The following NAV2 variants were observed in gnomAD, a reference collection of about 807,000 sequenced individuals.
NAV2 encodes the protein helicase, APC down-regulated 1.
In NAV2, 54 loss-of-function variants were observed where a neutral mutation model predicts 223.2. The observed-to-expected ratio is 0.24, with a 90% CI of 0.19 to 0.30. The LOEUF (loss-of-function observed/expected upper bound fraction) is 0.30. NAV2 is among the 10% of genes least tolerant of loss of function. The pLI, the probability that NAV2 is intolerant of heterozygous loss-of-function variation, is 1.00. For synonymous variants in NAV2, 1,279 were observed against 1,239.3 expected (o/e 1.03, Z -0.67); for missense variants, 2,806 against 3,147.5 (o/e 0.89, Z 2.60).
chr11:20,067,689 C>T (rs915997807), intron 20 of NAV2, among the ~76,000 whole-genome samples: 7 of 150,592 alleles, frequency 4.6e-5, no homozygotes, highest in Non-Finnish European at 7.4e-5. Context: ...TGGGTTTCAC[C>T]ATGTTGGCCA....
intron 1 of NAV2, among the ~76,000 whole-genome samples, chr11:19,720,887 G>A (rs186425621): frequency 3.9e-5 from 6 of 152,260 alleles, no homozygotes; most frequent in African/African-American, 1.4e-4. Context: ...TTCTTTCTGA[G>A]CTTCAGTAGC....
chr11:19,859,598 C>A (rs1001538573), intron 3 of NAV2, among the ~76,000 whole-genome samples: 105 of 152,152 alleles, frequency 6.9e-4, no homozygotes, highest in African/African-American at 2.2e-3. Context: ...CCTTTCCCCC[C>A]TTTCTATTCC....
At chr11:19,611,181 T>C (rs1033729491) in intron 1 of NAV2, among the ~76,000 whole-genome samples, 3 of 151,966 alleles carry the variant, frequency 2.0e-5, no homozygotes, top group African/African-American at 7.3e-5. Context: ...ACTTATTCAC[T>C]ATCATGAGAA....
chr11:19,594,669 T>C (rs2046157658), intron 1 of NAV2, among the ~76,000 whole-genome samples: 1 of 152,102 alleles, frequency 6.6e-6, no homozygotes, highest in Non-Finnish European at 1.5e-5. Flanking sequence ...AGAGTGATTG[T>C]ATAGATTAAA....
intron 6 of NAV2, among the ~76,000 whole-genome samples, chr11:19,908,671 G>A (rs2043071261): frequency 6.6e-6 from 1 of 152,178 alleles, no homozygotes. Flanking sequence ...TAGTGGATAT[G>A]GTATTTGACA....
chr11:19,720,546 G>A, intron 1 of NAV2, among the ~76,000 whole-genome samples: 1 of 152,300 alleles, frequency 6.6e-6, no homozygotes, highest in Non-Finnish European at 1.5e-5. Context: ...GTGGGACAGA[G>A]GATAGGGTAG....
At chr11:19,381,559 TCAGGGCCACCAAGCTTGCTGCC>T (rs1444922960) in intron 1 of NAV2, among the ~76,000 whole-genome samples, 1 of 152,102 alleles carries the variant, frequency 6.6e-6, no homozygotes, top group African/African-American at 2.4e-5. Flanking sequence ...GTGTGGTAGC[TCAGGGCCACCAAGCTTGCTGCC>T]CAGGGAAGAG....
intron 1 of NAV2, among the ~76,000 whole-genome samples, chr11:19,458,138 T>C (rs1431606318): frequency 6.6e-6 from 1 of 152,180 alleles, no homozygotes; most frequent in Non-Finnish European, 1.5e-5. Flanking sequence ...ATCTGGGAAA[T>C]GGCAGTCTCA....
chr11:19,548,487 G>A (rs1565038934), intron 1 of NAV2, among the ~76,000 whole-genome samples: 1 of 152,264 alleles, frequency 6.6e-6, no homozygotes, highest in African/African-American at 2.4e-5. Flanking sequence ...ACTGGAAAGG[G>A]GGGAGTTTAT....
At chr11:19,378,397 A>G (rs1182709986) in intron 1 of NAV2, among the ~76,000 whole-genome samples, 2 of 152,038 alleles carry the variant, frequency 1.3e-5, no homozygotes, top group East Asian at 1.9e-4. Flanking sequence ...GGTGGGGCCT[A>G]TGGTGCATCC....
At chr11:19,907,448 C>G (rs2042959037) in intron 6 of NAV2, among the ~76,000 whole-genome samples, 1 of 152,108 alleles carries the variant, frequency 6.6e-6, no homozygotes, top group Admixed American at 6.6e-5. Flanking sequence ...TGGTAAATAT[C>G]CACCCTGTTA....
At chr11:19,563,746 G>T (rs1265014442) in intron 1 of NAV2, among the ~76,000 whole-genome samples, 1 of 152,078 alleles carries the variant, frequency 6.6e-6, no homozygotes, top group Non-Finnish European at 1.5e-5. Context: ...AGCTTGCCTG[G>T]GTTCAAATCT....
At chr11:19,663,462 G>T (rs932795770) in intron 1 of NAV2, among the ~76,000 whole-genome samples, 3 of 152,160 alleles carry the variant, frequency 2.0e-5, no homozygotes, top group Non-Finnish European at 4.4e-5. Context: ...AAGTAGCAGG[G>T]CTAAAGAATT....
intron 1 of NAV2, among the ~76,000 whole-genome samples, chr11:19,768,038 A>G (rs2055368994): frequency 6.6e-6 from 1 of 152,260 alleles, no homozygotes; most frequent in African/African-American, 2.4e-5. Flanking sequence ...GGGACAGCAA[A>G]TCCTCAGCAA....
intron 9 of NAV2, 101 bp from the exon 10 acceptor site, chr11:19,948,590 A>T: frequency 7.7e-7 from 1 of 1,294,926 alleles, no homozygotes; most frequent in Non-Finnish European, 1.0e-6. Flanking sequence ...ATCCTATTTT[A>T]TATATGAGGA....
chr11:19,582,427 T>C (rs1044888878), intron 1 of NAV2, among the ~76,000 whole-genome samples: 1 of 152,260 alleles, frequency 6.6e-6, no homozygotes, highest in Admixed American at 6.5e-5. Context: ...GTTTTAGACA[T>C]GAAGTCCTTG....
At chr11:19,763,525 G>A (rs1024742262) in intron 1 of NAV2, among the ~76,000 whole-genome samples, 4 of 152,248 alleles carry the variant, frequency 2.6e-5, no homozygotes, top group African/African-American at 7.2e-5. Flanking sequence ...TGTGAAGCCT[G>A]GGGGCGACAC....
At chr11:20,096,360 AAC>A (rs1488055786) in intron 30 of NAV2, among the ~76,000 whole-genome samples, 4 of 152,196 alleles carry the variant, frequency 2.6e-5, no homozygotes, top group Non-Finnish European at 5.9e-5. Flanking sequence ...TGAACCTTGA[AAC>A]ACATGGTGAT....
chr11:19,496,067 A>G (rs1026215590), intron 1 of NAV2, among the ~76,000 whole-genome samples: 5 of 152,184 alleles, frequency 3.3e-5, no homozygotes, highest in Non-Finnish European at 5.9e-5. Context: ...GCAGAAAAGT[A>G]GGCATCTCTC....
Sources: allele counts gnomAD v4.1 joint callset (sites outside exome capture counted in the v4.1 genomes callset), GRCh38; gene constraint gnomAD v4.1.1; transcripts MANE v1.5; gene names NCBI Gene and HGNC (gene_info 2026-07-23, HGNC 2026-07-21).